The following NTM variants were observed in gnomAD, a reference collection of about 807,000 sequenced individuals.
The protein encoded by NTM is neurotrimin.
In NTM, 13 loss-of-function variants were observed where a neutral mutation model predicts 42.1. The observed-to-expected ratio is 0.31, with a 90% confidence interval of 0.20 to 0.49. The LOEUF (loss-of-function observed/expected upper bound fraction) is 0.49. Among genes scored for constraint, NTM ranks in the 20% least tolerant of loss-of-function variants. The probability of loss-of-function intolerance (pLI) is 0.99; values close to 1 mark genes in which losing one functional copy is unlikely to be tolerated. For synonymous variants in NTM, 187 were observed against 179.2 expected (o/e 1.04, Z -0.35); for missense variants, 373 against 452.8 (o/e 0.82, Z 1.60).
At chr11:131,632,921 TC>T in intron 1 of NTM, among the ~76,000 whole-genome samples, 1 of 147,194 alleles carries the variant, frequency 6.8e-6, no homozygotes. Context: ...GATCCGCCCA[TC>T]TCAGCCTCCC....
At chr11:131,985,494 A>G (rs541334138) in intron 2 of NTM, among the ~76,000 whole-genome samples, 1 of 152,310 alleles carries the variant, frequency 6.6e-6, no homozygotes, top group East Asian at 1.9e-4. Flanking sequence ...CAACAGTGCA[A>G]CACCGTGCTA....
chr11:131,614,047 C>T (rs554213071), intron 1 of NTM, among the ~76,000 whole-genome samples: 1 of 152,318 alleles, frequency 6.6e-6, no homozygotes, highest in Admixed American at 6.5e-5. Context: ...TATGAGTAGC[C>T]TCTCAATACC....
intron 1 of NTM, among the ~76,000 whole-genome samples, chr11:131,612,422 G>A (rs1019285877): frequency 6.6e-6 from 1 of 152,218 alleles, no homozygotes; most frequent in African/African-American, 2.4e-5. Context: ...TGTGGAGAGT[G>A]CTCCTCGCAA....
At chr11:131,729,902 C>T (rs1213713603) in intron 1 of NTM, among the ~76,000 whole-genome samples, 1 of 149,044 alleles carries the variant, frequency 6.7e-6, no homozygotes, top group Non-Finnish European at 1.5e-5. Context: ...CATCTATGAA[C>T]ATTTACATAC....
At chr11:131,752,284 A>G (rs932247533) in intron 1 of NTM, among the ~76,000 whole-genome samples, 4 of 152,244 alleles carry the variant, frequency 2.6e-5, no homozygotes, top group Non-Finnish European at 5.9e-5. Context: ...AGACACATGA[A>G]AAAATGCTCA....
At chr11:131,465,555 C>G (rs1591749142) in intron 1 of NTM, among the ~76,000 whole-genome samples, 2 of 152,290 alleles carry the variant, frequency 1.3e-5, no homozygotes, top group Middle Eastern at 3.4e-3. Context: ...TGGGGTCTTT[C>G]ACCCCAGGCC....
chr11:131,959,400 G>A (rs112142458), intron 2 of NTM, among the ~76,000 whole-genome samples: 1 of 152,112 alleles, frequency 6.6e-6, no homozygotes, highest in African/African-American at 2.4e-5. Context: ...GGCCGAGGTG[G>A]GAGGATCACT....
intron 1 of NTM, among the ~76,000 whole-genome samples, chr11:131,587,967 C>G (rs1020014546): frequency 3.3e-5 from 5 of 152,138 alleles, no homozygotes; most frequent in East Asian, 3.9e-4. Flanking sequence ...AAGCCAAGGT[C>G]ACAGAAAGAC....
rs545941976 is a variant in NTM at position 132,085,361 on chromosome 11, T to C, written c.168-60921T>C. On this transcript the variant is annotated intron_variant, in intron 2 of 8. Transcript: ENST00000683400. ...TAGGTGCCAATAAAGTTTTACTCCT[T>C]CTTGCATGGTGAAGGGTGTGGTTAA... 9.2e-5 allele frequency among the ~76,000 whole-genome samples: 14 copies of C among 152,306 alleles called. No homozygotes were observed. The South Asian group carries it at 2.9e-3, about 32-fold the overall frequency.
rs531253386 is a variant in NTM at position 131,901,997 on chromosome 11, G to T, written c.83-9567G>T. On this transcript the variant is annotated intron_variant, in intron 1 of 8. Transcript: ENST00000683400. ...GTGCTGCCCATGTCAACCCCAGGTT[G>T]GGAAAGAAGCACAAGGCTGTGATGC... is the stretch of plus-strand genomic sequence containing the variant. Among the ~76,000 whole-genome samples, 3 of 152,290 alleles carry T rather than the reference G, an allele frequency of 2.0e-5. No homozygotes were observed. The South Asian group carries it at 6.2e-4, about 32-fold the overall frequency.
At chr11:131,958,256 G>A (rs1565824335) in intron 2 of NTM, among the ~76,000 whole-genome samples, 1 of 152,108 alleles carries the variant, frequency 6.6e-6, no homozygotes, top group Admixed American at 6.6e-5. Context: ...TATCCTGGGT[G>A]CCTCAGTACC....
chr11:131,686,478 C>T (rs1371457343), intron 1 of NTM, among the ~76,000 whole-genome samples: 1 of 152,158 alleles, frequency 6.6e-6, no homozygotes, highest in Non-Finnish European at 1.5e-5. Flanking sequence ...TCATAAAGGT[C>T]TTCATCCTCG....
rs150633830 is a variant in NTM at position 132,221,063 on chromosome 11, T to C, written c.526+8916T>C. On this transcript the variant is annotated intron_variant, in intron 4 of 8. Transcript: ENST00000683400. ...TTCTTGTGTAGGACCCTCCGAGCACTGCCAACCAAGCTGGGAGAAACTTTC... is the reference window on the plus strand; with the variant it reads ...TTCTTGTGTAGGACCCTCCGAGCACCGCCAACCAAGCTGGGAGAAACTTTC... Among the ~76,000 whole-genome samples, 109 of 152,274 alleles carry C rather than the reference T, an allele frequency of 7.2e-4. 1 individual carries two copies. The highest frequency in any genetic ancestry group is 1.0e-3 in the South Asian group (5 of 4,820).
At chr11:132,189,118 T>C (rs3133873) in intron 3 of NTM, among the ~76,000 whole-genome samples, 151,655 of 152,246 alleles carry the variant, frequency 1, 75,532 homozygotes, top group East Asian at 1. Context: ...GGGCAGGTGG[T>C]GGATGATAGA....
At chr11:132,107,921 T>C (rs1024335551) in intron 2 of NTM, among the ~76,000 whole-genome samples, 10 of 152,186 alleles carry the variant, frequency 6.6e-5, no homozygotes, top group Non-Finnish European at 1.3e-4. Context: ...TTTCATAAAT[T>C]GATATCTTTG....
intron 1 of NTM, among the ~76,000 whole-genome samples, chr11:131,503,543 GA>G (rs1339539400): frequency 1.8e-5 from 2 of 108,372 alleles, no homozygotes; most frequent in Non-Finnish European, 3.8e-5. Context: ...TTTTTTTTGA[GA>G]CAAGGTCTTA....
rs1174503279 is a variant in NTM, at chr11:131,598,826, C to CTTCT, written c.82+227960_82+227963dup. Among the ~76,000 whole-genome samples, 226 of 40,424 alleles carry CTTCT rather than the reference C, an allele frequency of 5.6e-3. 43 individuals are homozygous for CTTCT. The highest frequency in any genetic ancestry group is 0.036 in the South Asian group (31 of 860). The allele number at this position is 40,424 out of a possible 152,430, so 26.5% of individuals were successfully genotyped here. On this transcript the variant is annotated intron_variant, in intron 1 of 8. Transcript: ENST00000683400. ...TTCTTTCTTTCTTCTTTCTTTCTTT[C>CTTCT]TTCTTTCTTTCTTTCTTTCTTTCTT...
At chr11:131,474,414 C>T (rs566715154) in intron 1 of NTM, among the ~76,000 whole-genome samples, 1 of 152,176 alleles carries the variant, frequency 6.6e-6, no homozygotes, top group Admixed American at 6.5e-5. Flanking sequence ...GTCTTAAAGT[C>T]TCATTTACAT....
At chr11:131,808,832 C>T (rs147514834) in intron 1 of NTM, among the ~76,000 whole-genome samples, 78 of 152,318 alleles carry the variant, frequency 5.1e-4, no homozygotes, top group Non-Finnish European at 9.4e-4. Flanking sequence ...CCCGTGCACA[C>T]GCACAAACAC....
Sources: allele counts gnomAD v4.1 joint callset (sites outside exome capture counted in the v4.1 genomes callset), GRCh38; gene constraint gnomAD v4.1.1; transcripts MANE v1.5; gene names NCBI Gene and HGNC (gene_info 2026-07-23, HGNC 2026-07-21).